MEGF11: variants seen among roughly 807,000 people sequenced by gnomAD.
The protein encoded by MEGF11 is multiple epidermal growth factor-like domains protein 11.
Under a neutral mutation model 146.6 loss-of-function variants are expected in MEGF11, and 126 were observed. The ratio of observed to expected loss-of-function variants is 0.86; its 90% CI spans 0.74 to 1.00. MEGF11 has a LOEUF of 1.00. Among genes scored for constraint, MEGF11 ranks in the 50% least tolerant of loss-of-function variants. MEGF11 has a pLI of 0.00. For synonymous variants in MEGF11, 532 were observed against 583.4 expected, an observed-to-expected ratio of 0.91 and a Z score of 1.27; for missense variants, 1,509 against 1,521.2, an observed-to-expected ratio of 0.99 and a Z score of 0.13.
chr15:66,167,601 C>A (rs1468704708), intron 1 of MEGF11, among the ~76,000 whole-genome samples: 1 of 152,066 alleles, frequency 6.6e-6, no homozygotes, highest in Non-Finnish European at 1.5e-5. Flanking sequence ...GCCGAGATTG[C>A]GCCATTGCAC....
chr15:66,061,909 A>G (rs2084923083), intron 5 of MEGF11, among the ~76,000 whole-genome samples: 1 of 152,212 alleles, frequency 6.6e-6, no homozygotes. Flanking sequence ...AGCTGGTACT[A>G]TAGGTGCACA....
At chr15:66,073,534 G>A (rs925537784) in intron 5 of MEGF11, among the ~76,000 whole-genome samples, 2 of 152,190 alleles carry the variant, frequency 1.3e-5, no homozygotes, top group Non-Finnish European at 2.9e-5. Context: ...CTGCTTCATC[G>A]TCTCTTCTTT....
At chr15:66,094,529 A>T in intron 4 of MEGF11, 35 bp from the exon 5 acceptor site, 1 of 1,529,462 alleles carries the variant, frequency 6.5e-7, no homozygotes, top group Non-Finnish European at 8.9e-7. Flanking sequence ...GAAGAACCAG[A>T]ACAAACAGTG....
intron 1 of MEGF11, among the ~76,000 whole-genome samples, chr15:66,232,192 G>T (rs1330620844): frequency 2.0e-5 from 3 of 152,196 alleles, no homozygotes; most frequent in African/African-American, 7.2e-5. Context: ...AGAGTCAAAG[G>T]TGGCCCTGGG....
chr15:66,064,770 C>A (rs1405149043), intron 5 of MEGF11, among the ~76,000 whole-genome samples: 1 of 152,018 alleles, frequency 6.6e-6, no homozygotes, highest in African/African-American at 2.4e-5. Context: ...CTCAGGTGAT[C>A]CACCAGCCTT....
At chr15:65,997,225 T>G (rs2082226357) in intron 5 of MEGF11, among the ~76,000 whole-genome samples, 1 of 152,116 alleles carries the variant, frequency 6.6e-6, no homozygotes, top group African/African-American at 2.4e-5. Flanking sequence ...TCCTGTCTAT[T>G]GAGAGTTATT....
At chr15:66,109,850 T>C (rs1217378647) in intron 4 of MEGF11, among the ~76,000 whole-genome samples, 1 of 152,176 alleles carries the variant, frequency 6.6e-6, no homozygotes, top group Non-Finnish European at 1.5e-5. Flanking sequence ...TCTATTTCAC[T>C]CACTCACTAA....
chr15:66,122,822 A>G (rs998353867), intron 3 of MEGF11, among the ~76,000 whole-genome samples: 25 of 152,252 alleles, frequency 1.6e-4, no homozygotes, highest in African/African-American at 5.5e-4. Context: ...TCTGTCGCCC[A>G]GGCTGGAGTG....
chr15:65,956,568 T>C (rs1197061831), intron 10 of MEGF11, among the ~76,000 whole-genome samples: 4 of 152,152 alleles, frequency 2.6e-5, no homozygotes, highest in Admixed American at 1.3e-4. Flanking sequence ...GCCACACTCT[T>C]TCAACTGCAC....
intron 1 of MEGF11, among the ~76,000 whole-genome samples, chr15:66,179,530 G>A (rs1344081466): frequency 6.6e-6 from 1 of 152,172 alleles, no homozygotes; most frequent in Non-Finnish European, 1.5e-5. Context: ...CTCTCCGCCT[G>A]TGAAGCTCTG....
chr15:66,099,343 C>T lies in MEGF11; in HGVS notation c.302-4849G>A, dbSNP rs540186079. ...GATTACAGGCACGCGCCACCAAGCCCGGCTAATCTTTTTGTATTTTTAGTA... is the reference window on the plus strand; with the variant it reads ...GATTACAGGCACGCGCCACCAAGCCTGGCTAATCTTTTTGTATTTTTAGTA... On this transcript the variant is annotated intron_variant, in intron 4 of 25. Coordinates refer to ENST00000395614, the MANE Select transcript of MEGF11 (RefSeq NM_001385028.1). Among the ~76,000 whole-genome samples, 28 of 152,046 alleles carry T rather than the reference C, an allele frequency of 1.8e-4. No homozygotes were observed. In the South Asian group the frequency reaches 4.6e-3, roughly 25 times the overall value.
At chr15:66,121,061 A>G (rs940415281) in intron 3 of MEGF11, among the ~76,000 whole-genome samples, 2 of 152,220 alleles carry the variant, frequency 1.3e-5, no homozygotes, top group Non-Finnish European at 2.9e-5. Flanking sequence ...GTTAGCATGC[A>G]CACTCTAGGT....
chr15:65,906,063 A>G (rs2078618056), intron 24 of MEGF11, 22 bp downstream of exon 24: 1 of 1,595,822 alleles, frequency 6.3e-7, no homozygotes, highest in Non-Finnish European at 8.6e-7. Flanking sequence ...CTGTAATAAG[A>G]CAGCAGGATT....
intron 16 of MEGF11, among the ~76,000 whole-genome samples, chr15:65,917,321 C>T (rs1172682248): frequency 6.6e-6 from 1 of 152,096 alleles, no homozygotes; most frequent in East Asian, 1.9e-4. Flanking sequence ...GGGGACTTTC[C>T]TAGGGCAGGA....
intron 5 of MEGF11, among the ~76,000 whole-genome samples, chr15:66,053,059 G>A (rs1226263051): frequency 6.6e-6 from 1 of 152,014 alleles, no homozygotes; most frequent in Non-Finnish European, 1.5e-5. Context: ...TACATGGATG[G>A]ATAGATGGAT....
At chr15:66,237,055 G>A (rs969928917) in intron 1 of MEGF11, among the ~76,000 whole-genome samples, 7 of 152,130 alleles carry the variant, frequency 4.6e-5, no homozygotes, top group African/African-American at 1.7e-4. Context: ...TGGAATCCTG[G>A]TGCCTGCATG....
At chr15:65,984,232 A>G (rs2081764380) in intron 5 of MEGF11, among the ~76,000 whole-genome samples, 1 of 152,166 alleles carries the variant, frequency 6.6e-6, no homozygotes, top group Admixed American at 6.5e-5. Flanking sequence ...ACATTGAAAA[A>G]GGCTCACAGA....
At chr15:66,026,116 C>T (rs556714100) in intron 5 of MEGF11, among the ~76,000 whole-genome samples, 1 of 152,354 alleles carries the variant, frequency 6.6e-6, no homozygotes, top group East Asian at 1.9e-4. Context: ...AGGGGATTTC[C>T]CCCACTCCCC....
At chr15:65,911,886 A>G (rs1248730130) in intron 21 of MEGF11, among the ~76,000 whole-genome samples, 196 bp downstream of exon 21, 3 of 152,244 alleles carry the variant, frequency 2.0e-5, no homozygotes, top group Non-Finnish European at 4.4e-5. Context: ...GGCACTCCAC[A>G]TAACATGCTG....
Sources: allele counts gnomAD v4.1 joint callset (sites outside exome capture counted in the v4.1 genomes callset), GRCh38; gene constraint gnomAD v4.1.1; transcripts MANE v1.5; gene names NCBI Gene and HGNC (gene_info 2026-07-23, HGNC 2026-07-21).